GRID2: variants seen among roughly 807,000 people sequenced by gnomAD.
The protein encoded by GRID2 is glutamate receptor ionotropic, delta-2.
A neutral mutation model predicts 114.8 loss-of-function variants in GRID2; 33 were observed. That is an observed-to-expected ratio of 0.29 (90% CI 0.22 to 0.38). The LOEUF is 0.38. Among genes scored for constraint, GRID2 ranks in the 10% least tolerant of loss-of-function variants. The probability of loss-of-function intolerance (pLI) is 1.00; values close to 1 mark genes in which losing one functional copy is unlikely to be tolerated. For synonymous variants in GRID2, 505 were observed against 449.9 expected (o/e 1.12, Z -1.55); for missense variants, 1,184 against 1,257.7 (o/e 0.94, Z 0.89).
chr4:92,461,306 T>A (rs1249685296), intron 1 of GRID2, among the ~76,000 whole-genome samples: 1 of 151,902 alleles, frequency 6.6e-6, no homozygotes, highest in Non-Finnish European at 1.5e-5. Flanking sequence ...ATACAGCAGG[T>A]CCTTGAATAA....
At chr4:92,746,082 T>C (rs1737137556) in intron 2 of GRID2, among the ~76,000 whole-genome samples, 1 of 152,124 alleles carries the variant, frequency 6.6e-6, no homozygotes, top group South Asian at 2.1e-4. Flanking sequence ...GTAGATCTAG[T>C]GTTTAGGTAG....
At chr4:93,284,343 G>A (rs1350089707) in intron 8 of GRID2, among the ~76,000 whole-genome samples, 1 of 151,750 alleles carries the variant, frequency 6.6e-6, no homozygotes, top group Non-Finnish European at 1.5e-5. Context: ...ACACACATTG[G>A]GGCACACATT....
intron 1 of GRID2, among the ~76,000 whole-genome samples, chr4:93,803,729 A>G (rs1734979968): frequency 6.6e-6 from 1 of 152,176 alleles, no homozygotes; most frequent in African/African-American, 2.4e-5. Flanking sequence ...CTCAAAAAAA[A>G]AAACAAAAAA....
chr4:92,955,773 C>T (rs1221280286), intron 2 of GRID2, among the ~76,000 whole-genome samples: 1 of 152,074 alleles, frequency 6.6e-6, no homozygotes, highest in Admixed American at 6.5e-5. Flanking sequence ...GTCTTTAATC[C>T]ATTTTGAATT....
rs115555951 is a variant in GRID2 at position 92,454,337 on chromosome 4, A to G, written c.89-135794A>G. 3.7e-3 allele frequency among the ~76,000 whole-genome samples: 567 copies of G among 152,330 alleles called. 5 individuals carry two copies. The highest frequency in any genetic ancestry group is 0.013 in the African/African-American group (536 of 41,586). On this transcript the variant is annotated intron_variant, in intron 1 of 15. Transcript: ENST00000282020. ...CTATATGAAAATGAGCATTATGCAT[A>G]AGGATAAATTTGGCTAGTATCTTAC...
chr4:93,750,646 C>T (rs543251560), intron 14 of GRID2, among the ~76,000 whole-genome samples: 1 of 152,190 alleles, frequency 6.6e-6, no homozygotes, highest in African/African-American at 2.4e-5. Context: ...GTCTCAGCTA[C>T]TCGGGAGGCT....
chr4:93,544,283 T>G (rs922086805), intron 13 of GRID2, among the ~76,000 whole-genome samples: 1 of 145,728 alleles, frequency 6.9e-6, no homozygotes, highest in Non-Finnish European at 1.5e-5. Flanking sequence ...AAAATTTAAA[T>G]GGGTTAGCAT....
At chr4:93,402,910 A>C (rs1302949193) in intron 9 of GRID2, among the ~76,000 whole-genome samples, 1 of 152,156 alleles carries the variant, frequency 6.6e-6, no homozygotes, top group Admixed American at 6.6e-5. Flanking sequence ...GACATTGTCC[A>C]AGTGTTTGCT....
chr4:93,120,040 A>G (rs1402429419), intron 4 of GRID2, among the ~76,000 whole-genome samples: 3 of 152,200 alleles, frequency 2.0e-5, no homozygotes, highest in African/African-American at 7.2e-5. Context: ...TTGAAACCAC[A>G]GTGTGATACC....
At chr4:93,446,986 A>G (rs376078736) in intron 10 of GRID2, among the ~76,000 whole-genome samples, 3 of 151,838 alleles carry the variant, frequency 2.0e-5, no homozygotes, top group African/African-American at 4.8e-5. Flanking sequence ...CAAAATTTAT[A>G]TACAACATAA....
chr4:92,694,558 A>G (rs1295596469), intron 2 of GRID2, among the ~76,000 whole-genome samples: 1 of 124,830 alleles, frequency 8.0e-6, no homozygotes, highest in Non-Finnish European at 1.6e-5. Context: ...TTATAAGTGG[A>G]GTATTACTTT....
At chr4:93,354,774 A>C (rs1180675043) in intron 8 of GRID2, among the ~76,000 whole-genome samples, 2 of 139,558 alleles carry the variant, frequency 1.4e-5, no homozygotes, top group Non-Finnish European at 3.0e-5. Context: ...TGTATATGTA[A>C]TATTTATATA....
intron 1 of GRID2, among the ~76,000 whole-genome samples, chr4:92,372,373 T>C (rs879774831): frequency 6.6e-6 from 1 of 152,108 alleles, no homozygotes; most frequent in Non-Finnish European, 1.5e-5. Flanking sequence ...TTATCTTGTT[T>C]TAAGAAATTG....
intron 1 of GRID2, among the ~76,000 whole-genome samples, chr4:92,502,135 T>A (rs1288664041): frequency 6.6e-6 from 1 of 152,148 alleles, no homozygotes; most frequent in Non-Finnish European, 1.5e-5. Flanking sequence ...AAAAACCAAA[T>A]TATGATAGTT....
chr4:92,538,414 A>G (rs1725759141), intron 1 of GRID2, among the ~76,000 whole-genome samples: 1 of 152,192 alleles, frequency 6.6e-6, no homozygotes, highest in Non-Finnish European at 1.5e-5. Context: ...AACAATGTGT[A>G]TAAATGACTA....
At chr4:93,687,777 G>T (rs1394506329) in intron 14 of GRID2, among the ~76,000 whole-genome samples, 2 of 151,912 alleles carry the variant, frequency 1.3e-5, no homozygotes, top group African/African-American at 4.8e-5. Flanking sequence ...GCTTTTTCAA[G>T]TATTTCTGTT....
intron 2 of GRID2, among the ~76,000 whole-genome samples, chr4:92,647,640 C>A (rs1176803340): frequency 2.0e-5 from 3 of 149,382 alleles, no homozygotes; most frequent in South Asian, 2.1e-4. Context: ...CTATAGCATA[C>A]CAACAATTTT....
At chr4:93,464,176 T>A (rs1724043559) in intron 11 of GRID2, among the ~76,000 whole-genome samples, 1 of 152,142 alleles carries the variant, frequency 6.6e-6, no homozygotes, top group Non-Finnish European at 1.5e-5. Context: ...TAAGTTAAAG[T>A]ATTGGGCTCA....
chr4:93,124,081 A>G (rs981144088), intron 4 of GRID2, among the ~76,000 whole-genome samples: 6 of 148,846 alleles, frequency 4.0e-5, no homozygotes, highest in Non-Finnish European at 8.9e-5. Context: ...CAATGTGCAC[A>G]TGTACCCTAA....
Sources: gnomAD v4.1 joint callset for allele counts (sites outside exome capture counted in the v4.1 genomes callset) on GRCh38, gnomAD v4.1.1 for gene constraint, MANE v1.5 for transcripts, NCBI Gene and HGNC (gene_info 2026-07-23, HGNC 2026-07-21) for gene names.